The following CAMK4 variants were observed in gnomAD, a reference collection of about 807,000 sequenced individuals.
CAMK4 encodes the protein calcium/calmodulin dependent protein kinase IV.
CAMK4 carries 22 observed loss-of-function variants against 44.9 expected under a neutral mutation model. That is an observed-to-expected ratio of 0.49 (90% CI 0.35 to 0.70). The LOEUF (loss-of-function observed/expected upper bound fraction) is 0.70. Among genes scored for constraint, CAMK4 ranks in the 30% least tolerant of loss-of-function variants. The probability of loss-of-function intolerance (pLI) is 0.01; values close to 1 mark genes in which losing one functional copy is unlikely to be tolerated. For missense variants in CAMK4, 498 were observed against 586.8 expected, an observed-to-expected ratio of 0.85 and a Z score of 1.56; for synonymous variants, 218 against 215.4, an observed-to-expected ratio of 1.01 and a Z score of -0.11.
At chr5:111,378,706 C>T (rs1456177547) in intron 4 of CAMK4, among the ~76,000 whole-genome samples, 1 of 152,118 alleles carries the variant, frequency 6.6e-6, no homozygotes, top group Non-Finnish European at 1.5e-5. Flanking sequence ...TAGCTTAAAG[C>T]CATACAGTTC....
In CAMK4 at chr5:111,405,222, C is replaced by A. The variant is rs138184149; in HGVS notation, c.459+10440C>A. On this transcript the variant is annotated intron_variant, in intron 5 of 10. Transcript: ENST00000282356. ...TGGTGGCTCACGCCTGTAATCCCAGCACTTTGGGAGGCCAAGGCGGGCGGA... is the reference window on the plus strand; with the variant it reads ...TGGTGGCTCACGCCTGTAATCCCAGAACTTTGGGAGGCCAAGGCGGGCGGA... 1.9e-3 allele frequency among the ~76,000 whole-genome samples: 289 copies of A among 152,346 alleles called. 1 individual carries two copies. The highest frequency in any genetic ancestry group is 3.2e-3 in the Non-Finnish European group (215 of 68,038).
chr5:111,376,491 C>G (rs1203064469), intron 3 of CAMK4, among the ~76,000 whole-genome samples: 1 of 152,062 alleles, frequency 6.6e-6, no homozygotes, highest in African/African-American at 2.4e-5. Flanking sequence ...CATTTTGTAC[C>G]TCTAGCCACC....
rs534737957 is a variant in CAMK4 at position 111,344,082 on chromosome 5, C to G, written c.220C>G (p.Leu74Val). ...KQKGTQKPYA[L>V]KVLKKTVDKK... The stretch of plus-strand genomic sequence containing the variant: ...GAAGGGGACCCAGAAGCCTTATGCT[C>G]TCAAAGTGTTAAAGAAAACAGTAAG... Residue 74 changes from leucine (L) to valine (V), a missense_variant, in exon 2 of 11, where the codon CTC (leucine) becomes GTC (valine). Around this residue, in one of 3 missense-constraint regions of CAMK4, gnomAD observed 152 missense variants for 143.7 expected, o/e 1.06. Transcript: ENST00000282356. The G allele has an allele frequency of 1.2e-6, 2 of 1,601,496 alleles. No homozygotes were observed. Among genetic ancestry groups the G allele is most frequent in the East Asian group, 2.2e-5 (1 of 44,702 alleles).
intron 8 of CAMK4, among the ~76,000 whole-genome samples, chr5:111,476,482 C>T (rs1327834042): frequency 6.6e-6 from 1 of 151,778 alleles, no homozygotes; most frequent in Non-Finnish European, 1.5e-5. Context: ...TTTCACCATG[C>T]TGGCCAGCCT....
intron 5 of CAMK4, among the ~76,000 whole-genome samples, chr5:111,404,571 C>T (rs563831072): frequency 6.6e-6 from 1 of 152,314 alleles, no homozygotes; most frequent in Non-Finnish European, 1.5e-5. Context: ...CATGACTTAA[C>T]TCTTGTCTGT....
chr5:111,350,775 T>A (rs1452740417), intron 2 of CAMK4, among the ~76,000 whole-genome samples: 6 of 152,120 alleles, frequency 3.9e-5, no homozygotes, highest in African/African-American at 1.4e-4. Flanking sequence ...TTGGTTTGAT[T>A]TTTTTATTCT....
At chr5:111,443,402 C>T (rs1337849544) in intron 5 of CAMK4, among the ~76,000 whole-genome samples, 2 of 146,892 alleles carry the variant, frequency 1.4e-5, no homozygotes, top group African/African-American at 2.5e-5. Flanking sequence ...AATCTTTCTA[C>T]ACCAAGTAAT....
At chr5:111,257,612 G>GA (rs377624223) in intron 1 of CAMK4, among the ~76,000 whole-genome samples, 2 of 152,278 alleles carry the variant, frequency 1.3e-5, no homozygotes, top group African/African-American at 4.8e-5. Flanking sequence ...CCTGCAACCA[G>GA]AAATACCATT....
At chr5:111,225,969 C>T (rs2112483774) in intron 1 of CAMK4, among the ~76,000 whole-genome samples, 1 of 152,244 alleles carries the variant, frequency 6.6e-6, no homozygotes, top group African/African-American at 2.4e-5. Flanking sequence ...ACAATGATGT[C>T]GATTTTTGTA....
At chr5:111,292,149 T>C (rs73786879) in intron 1 of CAMK4, among the ~76,000 whole-genome samples, 2,562 of 152,316 alleles carry the variant, frequency 0.017, 74 homozygotes, top group African/African-American at 0.058. Flanking sequence ...GGTTGGCATA[T>C]TCAGTCAGTC....
chr5:111,321,664 C>T (rs945437016), intron 1 of CAMK4, among the ~76,000 whole-genome samples: 8 of 151,966 alleles, frequency 5.3e-5, no homozygotes, highest in African/African-American at 1.9e-4. Context: ...GTTATTTTGT[C>T]CTAAAATATG....
chr5:111,309,986 T>A (rs1227947972), intron 1 of CAMK4, among the ~76,000 whole-genome samples: 4 of 152,196 alleles, frequency 2.6e-5, no homozygotes, highest in Non-Finnish European at 5.9e-5. Context: ...ATTAAGGAAA[T>A]GAGTAGACAG....
At chr5:111,337,507 T>A (rs79306818) in intron 1 of CAMK4, among the ~76,000 whole-genome samples, 1 of 123,156 alleles carries the variant, frequency 8.1e-6, no homozygotes, top group African/African-American at 3.8e-5. Flanking sequence ...CTTGCCAGCC[T>A]TTTTTTTTTT....
chr5:111,415,405 G>C (rs951322049), intron 5 of CAMK4, among the ~76,000 whole-genome samples: 1 of 152,202 alleles, frequency 6.6e-6, no homozygotes, highest in Admixed American at 6.5e-5. Flanking sequence ...AAGTACAAGA[G>C]TAGTGATATT....
At position 111,400,890 on chromosome 5, in the gene CAMK4, T is replaced by C. The variant is rs183968483; in HGVS notation, c.459+6108T>C. On this transcript the variant is annotated intron_variant, in intron 5 of 10. Coordinates refer to ENST00000282356, the MANE Select transcript of CAMK4 (RefSeq NM_001744.6). ...TGGACTTGTAGGGATAATTAGGGAA[T>C]ATTCCCTCTCCTCTGATACTTAATT... Among the ~76,000 whole-genome samples the C allele has an allele frequency of 2.9e-3, 442 of 152,132 alleles. 3 individuals carry two copies. Among genetic ancestry groups the C allele is most frequent in the African/African-American group, 0.01 (420 of 41,508 alleles).
chr5:111,482,771 CTTT>C lies in CAMK4; in HGVS notation c.829-13_829-11del. 1 of 1,600,030 alleles carries C rather than the reference CTTT, an allele frequency of 6.2e-7. No individual in the cohort carries two copies. The highest frequency in any genetic ancestry group is 1.1e-5 in the South Asian group (1 of 88,264). ...TAAAAACCTCGCTAAGTTTATGGTT[CTTT>C]ATTATTTCAGGTCAGAAAATTAATT... On this transcript the variant is annotated splice_polypyrimidine_tract_variant and intron_variant, in intron 9 of 10. Coordinates refer to ENST00000282356, the MANE Select transcript of CAMK4 (RefSeq NM_001744.6). The surrounding 1 kb of genome is among the most constrained non-coding windows in gnomAD (Gnocchi z 4.9).
At chr5:111,413,217 A>G (rs186906540) in intron 5 of CAMK4, among the ~76,000 whole-genome samples, 20 of 152,330 alleles carry the variant, frequency 1.3e-4, no homozygotes, top group Admixed American at 8.5e-4. Context: ...TCAGCCAACT[A>G]ATAAATAAAA....
chr5:111,294,581 T>A (rs908632048), intron 1 of CAMK4, among the ~76,000 whole-genome samples: 8 of 152,176 alleles, frequency 5.3e-5, no homozygotes, highest in Non-Finnish European at 1.2e-4. Flanking sequence ...AAAAGCAAGA[T>A]GGTGATATCT....
chr5:111,285,200 T>C (rs536748354), intron 1 of CAMK4, among the ~76,000 whole-genome samples: 2 of 152,328 alleles, frequency 1.3e-5, no homozygotes, highest in African/African-American at 4.8e-5. Context: ...CTGCAGAATA[T>C]GCAGAAAGAA....
Sources: allele counts gnomAD v4.1 joint callset (sites outside exome capture counted in the v4.1 genomes callset), GRCh38; gene constraint gnomAD v4.1.1; regional missense constraint gnomAD v4.1.1; non-coding constraint Gnocchi (gnomAD v3.1); transcripts MANE v1.5; gene names NCBI Gene and HGNC (gene_info 2026-07-23, HGNC 2026-07-21).